Variants in KAZN observed in about 807,000 individuals in gnomAD.
The protein encoded by KAZN is kazrin.
A neutral mutation model predicts 87.4 loss-of-function variants in KAZN; 40 were observed. That is an observed-to-expected ratio of 0.46 (90% confidence interval 0.36 to 0.60). KAZN has a LOEUF of 0.60. KAZN is among the 20% of genes least tolerant of loss of function. The pLI is 0.00. For synonymous variants in KAZN, 466 were observed against 458.3 expected, an observed-to-expected ratio of 1.02 and a Z score of -0.22; for missense variants, 898 against 1,073.9, an observed-to-expected ratio of 0.84 and a Z score of 2.29.
At chr1:14,818,629 T>G (rs1005971992) in intron 1 of KAZN, among the ~76,000 whole-genome samples, 1 of 152,036 alleles carries the variant, frequency 6.6e-6, no homozygotes, top group African/African-American at 2.4e-5. Context: ...TCTAGACTCC[T>G]CCTGGTGTCT....
intron 1 of KAZN, among the ~76,000 whole-genome samples, chr1:14,960,271 C>A (rs1663682444): frequency 6.6e-6 from 1 of 152,094 alleles, no homozygotes; most frequent in Non-Finnish European, 1.5e-5. Context: ...GCATCGATGT[C>A]CTAATTTATA....
At chr1:14,107,558 C>A (rs1282831881) in intron 1 of KAZN, among the ~76,000 whole-genome samples, 1 of 152,060 alleles carries the variant, frequency 6.6e-6, no homozygotes, top group Non-Finnish European at 1.5e-5. Context: ...CACCATATGG[C>A]GTGTGGCTCC....
intron 2 of KAZN, among the ~76,000 whole-genome samples, chr1:14,308,577 T>G (rs567498491): frequency 6.6e-6 from 1 of 152,330 alleles, no homozygotes; most frequent in South Asian, 2.1e-4. Flanking sequence ...CAGTTGCAAG[T>G]GTAGGTACTG....
Position 14,374,878 on chromosome 1 carries a change from A to G in KAZN, c.249+194286A>G, listed in dbSNP as rs2101028477. 2.0e-5 allele frequency among the ~76,000 whole-genome samples: 3 copies of G among 152,356 alleles called. No individual in the cohort carries two copies. In the South Asian group the frequency reaches 6.2e-4, roughly 32 times the overall value. On this transcript the variant is annotated intron_variant, in intron 2 of 16. Coordinates refer to the KAZN transcript ENST00000636203. Reference sequence around the variant, plus strand: ...GAAATGAGTATGGGAAAAGGAGGTCAGTAAATTTAACAATCTGATTAACCA... The same window carrying G: ...GAAATGAGTATGGGAAAAGGAGGTCGGTAAATTTAACAATCTGATTAACCA...
chr1:14,710,872 G>A (rs1642448662), intron 1 of KAZN, among the ~76,000 whole-genome samples: 1 of 152,160 alleles, frequency 6.6e-6, no homozygotes, highest in Non-Finnish European at 1.5e-5. Context: ...CTGGCATATA[G>A]TAGAACCTTA....
intron 2 of KAZN, among the ~76,000 whole-genome samples, chr1:14,461,142 C>A (rs1667828805): frequency 6.6e-6 from 1 of 152,174 alleles, no homozygotes; most frequent in Admixed American, 6.5e-5. Context: ...ACCTGGAATC[C>A]AGCAACAGCA....
At chr1:14,168,060 A>G (rs1321290611) in intron 1 of KAZN, among the ~76,000 whole-genome samples, 1 of 152,216 alleles carries the variant, frequency 6.6e-6, no homozygotes, top group Non-Finnish European at 1.5e-5. Context: ...TAAGGTTGAC[A>G]TGTCCTTGGC....
rs137895339 is a variant in KAZN at position 14,367,945 on chromosome 1, C to T, written c.249+187353C>T. Among the ~76,000 whole-genome samples, 358 of 152,186 alleles carry T rather than the reference C, an allele frequency of 2.4e-3. 1 individual carries two copies. The highest frequency in any genetic ancestry group is 8.3e-3 in the African/African-American group (345 of 41,512). ...ATATCTTTCAAAATGAACCAGGCTA[C>T]GTAAAAATGTAAGAAGCCTGAAAGG... On this transcript the variant is annotated intron_variant, in intron 2 of 16. Transcript: ENST00000636203.
rs571225271 is a variant in KAZN, at chr1:14,598,929, G to A, written c.-69G>A. On this transcript the variant is annotated 5_prime_UTR_variant, in exon 1 of 15. Transcript: ENST00000376030. The surrounding 1 kb of genome is among the most constrained non-coding windows in gnomAD (Gnocchi z 4.2). ...ACAACAGGTAGAGCCGGGGGTGCCC[G>A]GCCGCGCGCCCCCCGCGCATCATGC... 6.4e-6 allele frequency: 10 copies of A among 1,553,584 alleles called. No homozygotes were observed. The African/African-American group carries it at 1.3e-4, about 20-fold the overall frequency.
chr1:15,024,683 T>G (rs960752152), intron 2 of KAZN, among the ~76,000 whole-genome samples: 2 of 152,160 alleles, frequency 1.3e-5, no homozygotes, highest in Admixed American at 1.3e-4. Context: ...ACCCTCACAC[T>G]CCTGGACCTG....
intron 2 of KAZN, among the ~76,000 whole-genome samples, chr1:14,486,156 G>T (rs2148400289): frequency 6.6e-6 from 1 of 152,212 alleles, no homozygotes; most frequent in Admixed American, 6.5e-5. Context: ...CACTTTTCCA[G>T]CCATCCTGCC....
chr1:14,203,617 C>T (rs1401018698), intron 2 of KAZN, among the ~76,000 whole-genome samples: 1 of 152,184 alleles, frequency 6.6e-6, no homozygotes, highest in Non-Finnish European at 1.5e-5. Context: ...TAATAATTGA[C>T]TCGAGAGTCC....
intron 1 of KAZN, among the ~76,000 whole-genome samples, chr1:14,179,225 T>C (rs188800078): frequency 6.6e-6 from 1 of 152,226 alleles, no homozygotes; most frequent in African/African-American, 2.4e-5. Context: ...AACTTTGTCC[T>C]GGAAATCCTA....
intron 2 of KAZN, among the ~76,000 whole-genome samples, chr1:14,281,577 A>G (rs1652839396): frequency 6.6e-6 from 1 of 152,144 alleles, no homozygotes; most frequent in African/African-American, 2.4e-5. Flanking sequence ...ACTTGCCTAG[A>G]AACAGAACAT....
intron 2 of KAZN, among the ~76,000 whole-genome samples, chr1:14,417,678 CTG>C (rs2101258893): frequency 6.6e-6 from 1 of 152,182 alleles, no homozygotes; most frequent in South Asian, 2.1e-4. Context: ...CAGAAAAAGA[CTG>C]TCATCTGAAA....
intron 2 of KAZN, among the ~76,000 whole-genome samples, chr1:14,255,305 C>T (rs1385964350): frequency 6.6e-6 from 1 of 152,090 alleles, no homozygotes; most frequent in Non-Finnish European, 1.5e-5. Context: ...ATCCCTATCA[C>T]CCAAACACCT....
intron 2 of KAZN, among the ~76,000 whole-genome samples, chr1:15,018,829 C>T (rs1242775251): frequency 1.3e-5 from 2 of 152,092 alleles, no homozygotes; most frequent in Non-Finnish European, 2.9e-5. Flanking sequence ...CAGCAGCTGC[C>T]CTCCCCTCCC....
intron 8 of KAZN, among the ~76,000 whole-genome samples, chr1:15,086,602 T>C (rs957745933): frequency 6.6e-6 from 1 of 152,114 alleles, no homozygotes; most frequent in Non-Finnish European, 1.5e-5. Flanking sequence ...ACAAAGAAAT[T>C]GGTAAACATG....
intron 2 of KAZN, among the ~76,000 whole-genome samples, chr1:14,415,390 A>G (rs1021538556): frequency 6.6e-6 from 1 of 152,120 alleles, no homozygotes; most frequent in Non-Finnish European, 1.5e-5. Flanking sequence ...GTTTGGGTAA[A>G]TTTGCTGTCT....
Sources: gnomAD v4.1 joint callset for allele counts (sites outside exome capture counted in the v4.1 genomes callset) on GRCh38, gnomAD v4.1.1 for gene constraint, Gnocchi (gnomAD v3.1) non-coding constraint, MANE v1.5 for transcripts, NCBI Gene and HGNC (gene_info 2026-07-23, HGNC 2026-07-21) for gene names.